The following GABRQ variants were observed in gnomAD, a reference collection of about 807,000 sequenced individuals.
GABRQ encodes gamma-aminobutyric acid type A receptor subunit theta.
A neutral mutation model predicts 30.5 loss-of-function variants in GABRQ; 19 were observed. The observed-to-expected ratio is 0.62, with a 90% CI of 0.43 to 0.91. The LOEUF (loss-of-function observed/expected upper bound fraction) is 0.91. Among genes scored for constraint, GABRQ ranks in the 40% least tolerant of loss-of-function variants. The pLI is 0.00. For synonymous variants in GABRQ, 187 were observed against 210.2 expected, an observed-to-expected ratio of 0.89 and a Z score of 0.95; for missense variants, 520 against 521.4, an observed-to-expected ratio of 1.00 and a Z score of 0.03.
intron 2 of GABRQ, among the ~76,000 whole-genome samples, chrX:152,643,453 A>G (rs1187994710): frequency 8.9e-6 from 1 of 112,593 alleles, no homozygotes; most frequent in Admixed American, 9.3e-5. Context: ...TGCAGGCGTC[A>G]TGCATGTTTC....
chrX:152,649,671 G>A lies in GABRQ; in HGVS notation c.611-71G>A, dbSNP rs1930971077. The A allele has an allele frequency of 3.1e-5, 28 of 891,114 alleles. No individual in the cohort carries two copies. In the South Asian group the frequency reaches 5.3e-4, roughly 17 times the overall value. The allele number at this position is 891,114 out of a possible 1,213,427, so 73.4% of individuals were successfully genotyped here. A position where few individuals can be genotyped will look rare whatever the true frequency, so the allele number is the denominator to read the frequency against. On this transcript the variant is annotated intron_variant, in intron 5 of 8. Coordinates refer to ENST00000598523, the MANE Select transcript of GABRQ (RefSeq NM_018558.4). ...TGTGCAAGTTAGTGGGTAGGAGCTT[G>A]TAGCATGTCTTTTTTGTGCTTTTCT...
Position 152,644,207 on chromosome X carries a change from A to G in GABRQ, c.239-1320A>G, listed in dbSNP as rs73629816. 4.9e-3 allele frequency among the ~76,000 whole-genome samples: 538 copies of G among 110,456 alleles called. 4 individuals carry two copies. The highest frequency in any genetic ancestry group is 0.017 in the African/African-American group (523 of 30,235). ...CAAATAGGCCCACATACACAAACAC[A>G]CTCACAAATTCACTCAAAAACGACA... On this transcript the variant is annotated intron_variant, in intron 2 of 8. Coordinates refer to ENST00000598523, the MANE Select transcript of GABRQ (RefSeq NM_018558.4).
At position 152,640,463 on chromosome X, in the gene GABRQ, G is replaced by T; in HGVS notation, c.235G>T (p.Gly79Ter). ...CGATGTCCGCCTGAGACCGAATTTT[G>T]GAGGTAAGGCATATCCAGACACTAG... ...RYDVRLRPNF[G>*]GAPVPVRISI... The change falls in exon 2 of 9, where the codon GGA becomes TGA. Residue 79 changes from glycine (G) to a stop codon, truncating the protein, a stop_gained. Coordinates refer to ENST00000598523, the MANE Select transcript of GABRQ (RefSeq NM_018558.4). LOFTEE classifies it high-confidence loss of function. 1 of 1,145,441 alleles carries T rather than the reference G, an allele frequency of 8.7e-7. No homozygotes were observed. The highest frequency in any genetic ancestry group is 1.2e-6 in the Non-Finnish European group (1 of 834,825). 94.4% of individuals were successfully genotyped at this position (1,145,441 alleles called of 1,213,427 possible).
intron 1 of GABRQ, among the ~76,000 whole-genome samples, chrX:152,639,009 T>C (rs1320534097): frequency 9.0e-6 from 1 of 110,982 alleles, no homozygotes; most frequent in Non-Finnish European, 1.9e-5. Flanking sequence ...TTTTCTCTTT[T>C]TGATTTTAAG....
downstream of GABRQ, among the ~76,000 whole-genome samples, chrX:152,658,311 C>T (rs1028490219): frequency 8.9e-6 from 1 of 111,907 alleles, no homozygotes; most frequent in Non-Finnish European, 1.9e-5. Flanking sequence ...AAGATTTTCC[C>T]TTGCCACTCT....
rs1556820192 is a variant in GABRQ at position 152,651,507 on chromosome X, T to C, written c.902-19T>C. 1 of 1,198,972 alleles carries C rather than the reference T, an allele frequency of 8.3e-7. No homozygotes were observed. On this transcript the variant is annotated intron_variant, in intron 7 of 8. Transcript: ENST00000598523. ...GTTAGCCATCAGAGGAGACTAAGTC[T>C]GTACTGTGTTGCTTACAGGCTTAAC...
chrX:152,649,464 A>G (rs1556819755), intron 5 of GABRQ, 131 bp downstream of exon 5: 1 of 492,782 alleles, frequency 2.0e-6, no homozygotes, highest in African/African-American at 2.4e-5. Flanking sequence ...CTCTCTCCCA[A>G]AATAAATAGA....
chrX:152,644,985 C>T (rs1434490861), intron 2 of GABRQ, among the ~76,000 whole-genome samples: 2 of 112,307 alleles, frequency 1.8e-5, no homozygotes, highest in Non-Finnish European at 3.8e-5. Flanking sequence ...CACAAACATG[C>T]TCACACATTC....
rs781944137 is a variant in GABRQ, at chrX:152,653,283, C to T, written c.*2C>T. ...TACTGGGTATACCATATGTATTAGT[C>T]CCCCAGTGCTCCAGAACAGCGGGAG... On this transcript the variant is annotated 3_prime_UTR_variant, in exon 9 of 9. Coordinates refer to ENST00000598523, the MANE Select transcript of GABRQ (RefSeq NM_018558.4). 8.5e-7 allele frequency: 1 copy of T among 1,178,788 alleles called. No individual in the cohort carries two copies. Among genetic ancestry groups the T allele is most frequent in the East Asian group, 3.0e-5 (1 of 33,639 alleles).
intron 3 of GABRQ, among the ~76,000 whole-genome samples, chrX:152,646,064 A>G (rs782387676): frequency 8.9e-6 from 1 of 112,937 alleles, no homozygotes; most frequent in African/African-American, 3.2e-5. Context: ...ACATATTCAA[A>G]ATATGCATCA....
In GABRQ at chrX:152,653,429, G is replaced by A. The variant is rs1421386878; in HGVS notation, c.*148G>A. ...TCATACTTCTCTTTATAAACATGAG[G>A]TGGGGAGTAATTGGAAAGAACATGT... On this transcript the variant is annotated 3_prime_UTR_variant, in exon 9 of 9. Transcript: ENST00000598523. 4 of 454,199 alleles carry A rather than the reference G, an allele frequency of 8.8e-6. No homozygotes were observed. In the South Asian group the frequency reaches 1.1e-4, roughly 13 times the overall value. 37.4% of individuals were successfully genotyped at this position (454,199 alleles called of 1,213,427 possible).
In GABRQ at chrX:152,638,193, C is replaced by A; in HGVS notation, c.-10C>A. The A allele has an allele frequency of 8.3e-7, 1 of 1,207,914 alleles. No individual in the cohort carries two copies. The highest frequency in any genetic ancestry group is 1.1e-6 in the Non-Finnish European group (1 of 893,168). On this transcript the variant is annotated 5_prime_UTR_variant, in exon 1 of 9. Transcript: ENST00000598523. ...CTCCCGCGCCCTCAGGCGCCCAGAA[C>A]GCCCCGGCCATGGGCATCCGAGGCA...
In GABRQ at chrX:152,656,514, C is replaced by G. The variant is rs782443690; in HGVS notation, c.*3233C>G. On this transcript the variant is annotated 3_prime_UTR_variant, in exon 9 of 9. Coordinates refer to ENST00000598523, the MANE Select transcript of GABRQ (RefSeq NM_018558.4). Reference sequence around the variant, plus strand: ...GTGGGGATGTGTGACACGTTTCCTACCAAGTTCTTGCCAGTTCCATCTGCC... The same window carrying G: ...GTGGGGATGTGTGACACGTTTCCTAGCAAGTTCTTGCCAGTTCCATCTGCC... 1 of 112,488 alleles carries G rather than the reference C, an allele frequency of 8.9e-6. No individual in the cohort carries two copies. The highest frequency in any genetic ancestry group is 3.2e-5 in the African/African-American group (1 of 30,917). The allele number at this position is 112,488 out of a possible 1,213,427, so 9.3% of individuals were successfully genotyped here.
Position 152,653,723 on chromosome X carries a change from T to C in GABRQ, c.*442T>C, listed in dbSNP as rs1301084931. 8.5e-6 allele frequency: 1 copy of C among 117,840 alleles called. No homozygotes were observed. Among genetic ancestry groups the C allele is most frequent in the Non-Finnish European group, 1.7e-5 (1 of 57,237 alleles). The allele number at this position is 117,840 out of a possible 1,213,427, so 9.7% of individuals were successfully genotyped here. ...TTCATTACATGTTTTCTTCTTTTTT[T>C]GTTTCCTCCTAGGGATTATGGGTCT... is the stretch of plus-strand genomic sequence containing the variant. On this transcript the variant is annotated 3_prime_UTR_variant, in exon 9 of 9. Transcript: ENST00000598523.
At chrX:152,645,439 G>C (rs782810481) in intron 2 of GABRQ, 88 bp from the exon 3 acceptor site, 2 of 591,146 alleles carry the variant, frequency 3.4e-6, no homozygotes, top group Admixed American at 4.7e-5. Flanking sequence ...GTTTCAAAGA[G>C]GGTTCAAACC....
In GABRQ at chrX:152,650,436, A is replaced by G; in HGVS notation, c.757A>G (p.Ile253Val). ...KEVYFYTGSYIRLILKFQVQR... is the reference protein window; with the variant it reads ...KEVYFYTGSYVRLILKFQVQR... Reference sequence around the variant, plus strand: ...GTGTGTCTCCTTGCCAGGTTCCTACATACGCCTGATACTGAAGTTCCAGGT... The same window carrying G: ...GTGTGTCTCCTTGCCAGGTTCCTACGTACGCCTGATACTGAAGTTCCAGGT... Residue 253 changes from isoleucine to valine, a missense_variant, in exon 7 of 9, where the codon ATA (isoleucine) becomes GTA (valine). Physicochemically the swap from Ile to Val is conservative, Grantham distance 29. Transcript: ENST00000598523. 1 of 1,206,906 alleles carries G rather than the reference A, an allele frequency of 8.3e-7. No homozygotes were observed. The highest frequency in any genetic ancestry group is 1.1e-6 in the Non-Finnish European group (1 of 892,737).
At chrX:152,642,912 T>C (rs1372372631) in intron 2 of GABRQ, among the ~76,000 whole-genome samples, 2 of 112,748 alleles carry the variant, frequency 1.8e-5, no homozygotes, top group African/African-American at 6.4e-5. Context: ...CCCCTTCCTC[T>C]GAGCTGCATC....
chrX:152,638,136 C>G lies in GABRQ; in HGVS notation c.-67C>G. 1.9e-6 allele frequency: 2 copies of G among 1,057,709 alleles called. No individual in the cohort carries two copies. The highest frequency in any genetic ancestry group is 1.3e-6 in the Non-Finnish European group (1 of 774,256). 87.2% of individuals were successfully genotyped at this position (1,057,709 alleles called of 1,213,427 possible). A position where few individuals can be genotyped will look rare whatever the true frequency, so the allele number is the denominator to read the frequency against. On this transcript the variant is annotated 5_prime_UTR_variant, in exon 1 of 9. Coordinates refer to ENST00000598523, the MANE Select transcript of GABRQ (RefSeq NM_018558.4). Reference sequence around the variant, plus strand: ...CGGCCCCAGTAGTCACCCACTCTCCCACCCCACCTCTGTTCCTTTTCGCGG... The same window carrying G: ...CGGCCCCAGTAGTCACCCACTCTCCGACCCCACCTCTGTTCCTTTTCGCGG...
At chrX:152,644,430 A>G (rs1218592655) in intron 2 of GABRQ, among the ~76,000 whole-genome samples, 3 of 112,689 alleles carry the variant, frequency 2.7e-5, no homozygotes, top group Non-Finnish European at 5.6e-5. Flanking sequence ...AGGTACATGG[A>G]CATTAACATG....
Sources: gnomAD v4.1 joint callset for allele counts (sites outside exome capture counted in the v4.1 genomes callset) on GRCh38, gnomAD v4.1.1 for gene constraint, MANE v1.5 for transcripts, NCBI Gene and HGNC (gene_info 2026-07-23, HGNC 2026-07-21) for gene names.